The following SUGCT variants were observed in gnomAD, a reference collection of about 807,000 sequenced individuals.
SUGCT encodes the protein succinyl-CoA:glutarate CoA-transferase.
A neutral mutation model predicts 55.0 loss-of-function variants in SUGCT; 41 were observed. That is an observed-to-expected ratio of 0.74 (90% CI 0.58 to 0.97). The LOEUF (loss-of-function observed/expected upper bound fraction) is 0.97. SUGCT is among the 50% of genes least tolerant of loss of function. The pLI is 0.00. For missense variants in SUGCT, 568 were observed against 547.8 expected (o/e 1.04, Z -0.37); for synonymous variants, 187 against 200.4 (o/e 0.93, Z 0.56).
chr7:40,656,102 A>C (rs1801008453), intron 12 of SUGCT, among the ~76,000 whole-genome samples: 1 of 152,192 alleles, frequency 6.6e-6, no homozygotes, highest in Non-Finnish European at 1.5e-5. Context: ...AGATCTCTTT[A>C]AGATAAGAAT....
intron 7 of SUGCT, among the ~76,000 whole-genome samples, chr7:40,273,557 G>A (rs1488991779): frequency 6.6e-6 from 1 of 152,178 alleles, no homozygotes; most frequent in Non-Finnish European, 1.5e-5. Context: ...TTTATTTTGT[G>A]TCAAGTACTG....
intron 1 of SUGCT, among the ~76,000 whole-genome samples, chr7:40,179,579 G>C (rs188079731): frequency 2.6e-5 from 4 of 152,172 alleles, no homozygotes; most frequent in African/African-American, 9.7e-5. Context: ...CACCATGCCC[G>C]GCCAGTTGGG....
At chr7:40,732,645 C>G (rs1292035334) in intron 12 of SUGCT, among the ~76,000 whole-genome samples, 2 of 152,170 alleles carry the variant, frequency 1.3e-5, no homozygotes, top group Non-Finnish European at 2.9e-5. Context: ...TAAGAAGACA[C>G]ACCACACAGC....
chr7:40,791,386 T>TGC (rs1790301348), intron 13 of SUGCT, among the ~76,000 whole-genome samples: 2 of 152,214 alleles, frequency 1.3e-5, no homozygotes, highest in Non-Finnish European at 2.9e-5. Flanking sequence ...TGTTTTCAGT[T>TGC]GCCATTTTGC....
rs371217151 is a variant in SUGCT, at chr7:40,217,169, C to T, written c.485-20466C>T. 9.1e-4 allele frequency among the ~76,000 whole-genome samples: 139 copies of T among 152,210 alleles called. 4 individuals carry two copies. The South Asian group carries it at 0.021, about 22-fold the overall frequency. ...ATACCATTTGATGTTTACCCTTCTC[C>T]GTTGCCCACCAACCTGTCTTGAATT... On this transcript the variant is annotated intron_variant, in intron 6 of 13. Transcript: ENST00000335693.
At chr7:40,282,789 C>A (rs1234789456) in intron 8 of SUGCT, among the ~76,000 whole-genome samples, 1 of 151,812 alleles carries the variant, frequency 6.6e-6, no homozygotes, top group Non-Finnish European at 1.5e-5. Context: ...TTGCTTGAGC[C>A]CAGAAATTAG....
intron 9 of SUGCT, among the ~76,000 whole-genome samples, chr7:40,428,344 G>T (rs1787705595): frequency 6.6e-6 from 1 of 152,142 alleles, no homozygotes. Context: ...AATGTCTTTT[G>T]ATTGGGGAGT....
the SUGCT span, among the ~76,000 whole-genome samples, chr7:40,926,256 G>T: frequency 6.6e-6 from 1 of 151,994 alleles, no homozygotes; most frequent in African/African-American, 2.4e-5. Context: ...ATTCTTCTTA[G>T]CTTATAATGG....
chr7:40,411,364 G>C (rs1489557050), intron 9 of SUGCT, among the ~76,000 whole-genome samples: 1 of 152,216 alleles, frequency 6.6e-6, no homozygotes, highest in Non-Finnish European at 1.5e-5. Flanking sequence ...CTGTGCTCCA[G>C]CTTGGGCGAT....
intron 8 of SUGCT, among the ~76,000 whole-genome samples, chr7:40,295,573 C>G (rs1440284106): frequency 6.9e-6 from 1 of 144,454 alleles, no homozygotes; most frequent in Non-Finnish European, 1.5e-5. Context: ...AAGACTCTGT[C>G]TCCAAAAATA....
the SUGCT span, among the ~76,000 whole-genome samples, chr7:41,031,560 C>T: frequency 6.6e-5 from 10 of 152,170 alleles, no homozygotes; most frequent in Non-Finnish European, 1.2e-4. Context: ...TCATTGGCTC[C>T]CTGTGCTTTC....
At chr7:40,311,043 CT>C (rs1335063695) in intron 8 of SUGCT, among the ~76,000 whole-genome samples, 1 of 152,086 alleles carries the variant, frequency 6.6e-6, no homozygotes, top group African/African-American at 2.4e-5. Flanking sequence ...CTCTTATTTT[CT>C]TTTCGCTTCA....
chr7:40,163,326 C>T (rs974409257), intron 1 of SUGCT, among the ~76,000 whole-genome samples: 8 of 152,054 alleles, frequency 5.3e-5, no homozygotes, highest in Non-Finnish European at 8.8e-5. Flanking sequence ...GTAGTGTTGG[C>T]TGGGCATAGT....
At chr7:40,783,910 A>G (rs1170327624) in intron 13 of SUGCT, among the ~76,000 whole-genome samples, 1 of 152,144 alleles carries the variant, frequency 6.6e-6, no homozygotes, top group Non-Finnish European at 1.5e-5. Context: ...TCACTCATAA[A>G]ACTAATTTCC....
chr7:40,242,351 AT>A (rs1289818854), intron 7 of SUGCT, among the ~76,000 whole-genome samples: 1 of 151,216 alleles, frequency 6.6e-6, no homozygotes, highest in Non-Finnish European at 1.5e-5. Context: ...TTTTTTTTGT[AT>A]TTTTAGTAGA....
At chr7:40,473,088 C>G (rs1204799189) in intron 11 of SUGCT, among the ~76,000 whole-genome samples, 1 of 152,108 alleles carries the variant, frequency 6.6e-6, no homozygotes, top group Non-Finnish European at 1.5e-5. Context: ...TTGTGTATTA[C>G]AAAATGTTTC....
chr7:40,538,058 T>G (rs530445477), intron 12 of SUGCT: 1 of 152,312 alleles, frequency 6.6e-6, no homozygotes, highest in South Asian at 2.1e-4. Flanking sequence ...TCATTTGCAT[T>G]CATCTGTAGG....
chr7:40,786,383 C>T (rs1790014854), intron 13 of SUGCT, among the ~76,000 whole-genome samples: 1 of 152,172 alleles, frequency 6.6e-6, no homozygotes, highest in African/African-American at 2.4e-5. Context: ...CAATGTAACA[C>T]TTTTGATTAG....
At chr7:40,481,039 G>A (rs573728095) in intron 11 of SUGCT, among the ~76,000 whole-genome samples, 2 of 152,150 alleles carry the variant, frequency 1.3e-5, no homozygotes, top group African/African-American at 2.4e-5. Context: ...ATCAAGTCTG[G>A]TGCAGTGGCC....
Sources: allele counts gnomAD v4.1 joint callset (sites outside exome capture counted in the v4.1 genomes callset), GRCh38; gene constraint gnomAD v4.1.1; transcripts MANE v1.5; gene names NCBI Gene and HGNC (gene_info 2026-07-23, HGNC 2026-07-21).